The following PLA2G5 variants were observed in gnomAD, a reference collection of about 807,000 sequenced individuals.
PLA2G5 encodes the protein Ca2+-dependent phospholipase A2.
PLA2G5 carries 12 observed loss-of-function variants against 15.9 expected under a neutral mutation model. The ratio of observed to expected loss-of-function variants is 0.76; its 90% CI spans 0.48 to 1.23. The LOEUF is 1.23. Among genes scored for constraint, PLA2G5 ranks in the 50% most tolerant of loss-of-function variants. The probability of loss-of-function intolerance (pLI) is 0.00; values close to 1 mark genes in which losing one functional copy is unlikely to be tolerated. For missense variants in PLA2G5, 169 were observed against 177.1 expected, an observed-to-expected ratio of 0.95 and a Z score of 0.26; for synonymous variants, 71 against 71.4, an observed-to-expected ratio of 0.99 and a Z score of 0.03.
At chr1:20,071,819 C>A (rs1960158) in intron 1 of PLA2G5, among the ~76,000 whole-genome samples, 51,040 of 151,978 alleles carry the variant, frequency 0.34, 9,577 homozygotes, top group Middle Eastern at 0.44. Flanking sequence ...TTTAAAGTGG[C>A]CACTCCAGCC....
chr1:20,078,430 G>C (rs192908507), intron 1 of PLA2G5, among the ~76,000 whole-genome samples: 2 of 152,056 alleles, frequency 1.3e-5, no homozygotes, highest in African/African-American at 4.8e-5. Context: ...GTTCGTAGGT[G>C]GGGGAAGAAA....
intron 1 of PLA2G5, among the ~76,000 whole-genome samples, chr1:20,043,440 T>A (rs1355946721): frequency 6.6e-6 from 1 of 151,794 alleles, no homozygotes; most frequent in Non-Finnish European, 1.5e-5. Context: ...TGGCATTGAG[T>A]GGGGTAAGGG....
At chr1:20,078,044 G>A (rs1210438365) in intron 1 of PLA2G5, among the ~76,000 whole-genome samples, 2 of 152,128 alleles carry the variant, frequency 1.3e-5, no homozygotes, top group African/African-American at 4.8e-5. Context: ...TGCATTTGGG[G>A]GGCCAGCAGA....
At position 20,070,286 on chromosome 1, in the gene PLA2G5, A is replaced by G. The variant is rs1360751795; in HGVS notation, c.-190A>G. The G allele has an allele frequency of 3.0e-6, 3 of 985,302 alleles. No individual in the cohort carries two copies. The highest frequency in any genetic ancestry group is 3.5e-5 in the African/African-American group (2 of 57,234). The allele number at this position is 985,302 out of a possible 1,614,324, so 61.0% of individuals were successfully genotyped here. A position where few individuals can be genotyped will look rare whatever the true frequency, so the allele number is the denominator to read the frequency against. On this transcript the variant is annotated 5_prime_UTR_variant, in exon 1 of 5. Transcript: ENST00000375108. ...TTTGTCCTCATCATCGGTCACTCCCATTCACAGCTTTAAGATTCTGGAGGC... is the reference window on the plus strand; with the variant it reads ...TTTGTCCTCATCATCGGTCACTCCCGTTCACAGCTTTAAGATTCTGGAGGC...
rs569373434 is a variant in PLA2G5 at position 20,045,798 on chromosome 1, T to C, written n.277-13834T>C. Among the ~76,000 whole-genome samples, 6 of 152,344 alleles carry C rather than the reference T, an allele frequency of 3.9e-5. No individual in the cohort carries two copies. The East Asian group carries it at 1.2e-3, about 29-fold the overall frequency. ...GAGCACTAAATGTCATGCGTGTCCA[T>C]GTGCAGGCTGCACCCAGATGAAATA... On this transcript the variant is annotated intron_variant and non_coding_transcript_variant, in intron 1 of 6. Coordinates refer to the PLA2G5 transcript ENST00000460175.
At chr1:20,057,727 G>A (rs985347726) in intron 1 of PLA2G5, among the ~76,000 whole-genome samples, 11 of 152,294 alleles carry the variant, frequency 7.2e-5, no homozygotes, top group Admixed American at 4.6e-4. Context: ...TCAAACTCCT[G>A]ACCTCAGGTG....
At chr1:20,036,168 A>G (rs531597851) in intron 1 of PLA2G5, among the ~76,000 whole-genome samples, 1 of 152,266 alleles carries the variant, frequency 6.6e-6, no homozygotes, top group African/African-American at 2.4e-5. Context: ...ACAGCTCTTA[A>G]GATTATTTCC....
At chr1:20,084,775 G>T (rs2016198295) in intron 1 of PLA2G5, 46 bp from the exon 2 acceptor site, 1 of 1,328,934 alleles carries the variant, frequency 7.5e-7, no homozygotes, top group Non-Finnish European at 1.1e-6. Flanking sequence ...TGGGCCACGG[G>T]GGCATTGCCT....
At chr1:20,045,016 T>C (rs1246569764) in intron 1 of PLA2G5, among the ~76,000 whole-genome samples, 1 of 152,076 alleles carries the variant, frequency 6.6e-6, no homozygotes, top group Non-Finnish European at 1.5e-5. Context: ...CATGTGCCCA[T>C]TTTACGACAA....
intron 1 of PLA2G5, among the ~76,000 whole-genome samples, chr1:20,044,323 C>T (rs2013778423): frequency 6.6e-6 from 1 of 152,062 alleles, no homozygotes; most frequent in Admixed American, 6.6e-5. Flanking sequence ...GCTGCCTCCT[C>T]TCTATTATTG....
At chr1:20,084,778 C>T (rs755604130) in intron 1 of PLA2G5, 43 bp from the exon 2 acceptor site, 25 of 1,353,762 alleles carry the variant, frequency 1.8e-5, no homozygotes, top group Non-Finnish European at 2.5e-5. Flanking sequence ...GCCACGGGGG[C>T]ATTGCCTGAT....
chr1:20,059,370 G>C (rs2014590171), intron 1 of PLA2G5, among the ~76,000 whole-genome samples: 1 of 151,900 alleles, frequency 6.6e-6, no homozygotes. Flanking sequence ...CATGGCTGCA[G>C]TGAGCCCTGA....
At chr1:20,067,846 C>T (rs868599541), upstream of PLA2G5, among the ~76,000 whole-genome samples, 4 of 150,408 alleles carry the variant, frequency 2.7e-5, no homozygotes, top group South Asian at 2.1e-4. Flanking sequence ...AGGCCGGGCG[C>T]GGTGGCTCAT....
chr1:20,083,510 G>A (rs1047453490), intron 1 of PLA2G5, among the ~76,000 whole-genome samples: 1 of 151,846 alleles, frequency 6.6e-6, no homozygotes, highest in South Asian at 2.1e-4. Context: ...TTGGATCCTA[G>A]GAGGAAGGCA....
chr1:20,062,869 ACT>A (rs2100480800), intron 2 of PLA2G5, among the ~76,000 whole-genome samples: 1 of 151,896 alleles, frequency 6.6e-6, no homozygotes, highest in South Asian at 2.1e-4. Context: ...CCTTCGAGAG[ACT>A]CTGAGATGAT....
chr1:20,084,600 G>C (rs536806430), intron 1 of PLA2G5, among the ~76,000 whole-genome samples: 2 of 152,310 alleles, frequency 1.3e-5, no homozygotes, highest in African/African-American at 4.8e-5. Context: ...GGTAGGGACA[G>C]TGTCCCTGCA....
chr1:20,069,436 G>GT, upstream of PLA2G5, among the ~76,000 whole-genome samples: 1 of 152,270 alleles, frequency 6.6e-6, no homozygotes, highest in Non-Finnish European at 1.5e-5. Flanking sequence ...ACTTTGGAAG[G>GT]CTGAGGCAGG....
chr1:20,064,535 A>G (rs749935860), intron 2 of PLA2G5, among the ~76,000 whole-genome samples: 20 of 151,660 alleles, frequency 1.3e-4, no homozygotes, highest in South Asian at 1.0e-3. Context: ...AGATCATGCC[A>G]CTGTACTTTA....
chr1:20,084,710 C>T, intron 1 of PLA2G5, 111 bp from the exon 2 acceptor site: 2 of 762,356 alleles, frequency 2.6e-6, no homozygotes, highest in African/African-American at 1.7e-5. Flanking sequence ...TATTGCCCAC[C>T]ATGACGGGGA....
Sources: allele counts gnomAD v4.1 joint callset (sites outside exome capture counted in the v4.1 genomes callset), GRCh38; gene constraint gnomAD v4.1.1; transcripts MANE v1.5; gene names NCBI Gene and HGNC (gene_info 2026-07-23, HGNC 2026-07-21).